The following KCNQ5 variants were observed in gnomAD, a reference collection of about 807,000 sequenced individuals.
The protein encoded by KCNQ5 is potassium voltage-gated channel subfamily Q member 5.
Under a neutral mutation model 98.2 loss-of-function variants are expected in KCNQ5, and 30 were observed. That is an observed-to-expected ratio of 0.31 (90% CI 0.23 to 0.41). The LOEUF (loss-of-function observed/expected upper bound fraction) is 0.41, where lower values mean the gene tolerates loss of function less well. Ranked by LOEUF, KCNQ5 falls within the 10% of genes least tolerant of loss-of-function variation. KCNQ5 has a pLI of 1.00. For missense variants in KCNQ5, 835 were observed against 1,182.5 expected (o/e 0.71, Z 4.31); for synonymous variants, 458 against 449.4 (o/e 1.02, Z -0.24).
rs757449676 is a variant in KCNQ5 at position 73,133,622 on chromosome 6, G to A, written c.1449G>A (p.Gln483=). Residue 483 remains glutamine (Q), a synonymous_variant, in exon 10 of 14, where the codon CAG becomes CAA. Transcript: ENST00000370398. Reference sequence around the variant, plus strand: ...CCTCGCTGCGCCTCAAAAGTTCTCAGCCAAAACCAGTGATAGATGGTAAGC... The same window carrying A: ...CCTCGCTGCGCCTCAAAAGTTCTCAACCAAAACCAGTGATAGATGGTAAGC... The part of the protein sequence containing the change: ...FRPSLRLKSS[Q]PKPVIDADTA... The A allele has an allele frequency of 1.2e-6, 2 of 1,614,062 alleles. No individual in the cohort carries two copies. The highest frequency in any genetic ancestry group is 1.7e-5 in the Admixed American group (1 of 60,006).
In KCNQ5 at chr6:72,841,718, A is replaced by G. The variant is rs950161562; in HGVS notation, c.399-162190A>G. ...ATTCCTTATATTTCATATAAGCATGAAAATGTTCTTTCTCTCATTTGGATA... is the reference window on the plus strand; with the variant it reads ...ATTCCTTATATTTCATATAAGCATGGAAATGTTCTTTCTCTCATTTGGATA... On this transcript the variant is annotated intron_variant, in intron 1 of 13. Transcript: ENST00000370398. Among the ~76,000 whole-genome samples, 37 of 152,160 alleles carry G rather than the reference A, an allele frequency of 2.4e-4. 1 individual carries two copies. Among genetic ancestry groups the G allele is most frequent in the African/African-American group, 8.9e-4 (37 of 41,444 alleles).
At chr6:72,898,728 T>C (rs1779355557) in intron 1 of KCNQ5, among the ~76,000 whole-genome samples, 1 of 152,250 alleles carries the variant, frequency 6.6e-6, no homozygotes, top group Admixed American at 6.5e-5. Context: ...TTTCTGGTTC[T>C]AGATCCTTGA....
At chr6:72,810,108 A>G (rs1775170570) in intron 1 of KCNQ5, among the ~76,000 whole-genome samples, 1 of 152,228 alleles carries the variant, frequency 6.6e-6, no homozygotes, top group South Asian at 2.1e-4. Context: ...TTATTAAACC[A>G]TGTTCCGGTT....
chr6:73,125,132 TCTA>T (rs1217884481), intron 9 of KCNQ5, among the ~76,000 whole-genome samples: 5 of 150,378 alleles, frequency 3.3e-5, no homozygotes, highest in Admixed American at 1.3e-4. Flanking sequence ...AGTGCTGAGG[TCTA>T]CTCAAGTGAC....
intron 1 of KCNQ5, among the ~76,000 whole-genome samples, chr6:72,885,866 G>C (rs1778825298): frequency 6.6e-6 from 1 of 152,148 alleles, no homozygotes; most frequent in Non-Finnish European, 1.5e-5. Context: ...CCTCAGAAAG[G>C]GAGAGACTAA....
chr6:72,856,823 G>A (rs1777553252), intron 1 of KCNQ5, among the ~76,000 whole-genome samples: 2 of 152,144 alleles, frequency 1.3e-5, no homozygotes, highest in African/African-American at 4.8e-5. Flanking sequence ...CTACTCCATG[G>A]CCAACTCTGG....
chr6:72,772,488 A>G (rs78263070), intron 1 of KCNQ5, among the ~76,000 whole-genome samples: 6,799 of 152,228 alleles, frequency 0.045, 495 homozygotes, highest in African/African-American at 0.15. Flanking sequence ...GGTAAAATAA[A>G]TAGCTTCAGA....
chr6:72,687,215 C>T (rs1435767231), intron 1 of KCNQ5, among the ~76,000 whole-genome samples: 1 of 152,202 alleles, frequency 6.6e-6, no homozygotes, highest in Non-Finnish European at 1.5e-5. Flanking sequence ...ATTGATTGCT[C>T]TCTGCTCTGT....
chr6:72,775,056 A>C (rs918316260), intron 1 of KCNQ5, among the ~76,000 whole-genome samples: 2 of 152,216 alleles, frequency 1.3e-5, no homozygotes, highest in Admixed American at 6.6e-5. Context: ...CCTGGGAACT[A>C]TCCAATGCAC....
At chr6:72,895,431 A>G (rs1300100470) in intron 1 of KCNQ5, among the ~76,000 whole-genome samples, 1 of 151,962 alleles carries the variant, frequency 6.6e-6, no homozygotes, top group Non-Finnish European at 1.5e-5. Context: ...TAACAATTCA[A>G]AAACATGCCA....
chr6:72,658,559 G>GATATATATATATATATATATATAT (rs1189137122), intron 1 of KCNQ5, among the ~76,000 whole-genome samples: 1 of 88,436 alleles, frequency 1.1e-5, no homozygotes, highest in Non-Finnish European at 1.9e-5. Flanking sequence ...GGGATTAAAG[G>GATATATATATATATATATATATAT]ATATATATAT....
Position 72,987,745 on chromosome 6 carries a change from G to A in KCNQ5, c.399-16163G>A. ...CGCTTCCAAGTTAGCCAAGCTGGAA[G>A]ATTAAACTCTAGAGTTTTGTCCCCT... On this transcript the variant is annotated intron_variant, in intron 1 of 13. Coordinates refer to ENST00000370398, the MANE Select transcript of KCNQ5 (RefSeq NM_019842.4). 2 of 508,280 alleles carry A rather than the reference G, an allele frequency of 3.9e-6. 1 individual carries two copies. Among genetic ancestry groups the A allele is most frequent in the East Asian group, 9.5e-5 (2 of 20,954 alleles). 31.5% of individuals were successfully genotyped at this position (508,280 alleles called of 1,614,324 possible).
At chr6:72,774,118 G>A (rs1182463790) in intron 1 of KCNQ5, among the ~76,000 whole-genome samples, 1 of 152,082 alleles carries the variant, frequency 6.6e-6, no homozygotes, top group Non-Finnish European at 1.5e-5. Context: ...ATCAATTCTA[G>A]ATGAATTGCA....
At chr6:72,738,598 C>T (rs1419010345) in intron 1 of KCNQ5, among the ~76,000 whole-genome samples, 1 of 151,704 alleles carries the variant, frequency 6.6e-6, no homozygotes, top group African/African-American at 2.4e-5. Flanking sequence ...TGGTCAATTA[C>T]AAGAATTTGC....
At chr6:73,154,876 C>T (rs527251982) in intron 10 of KCNQ5, among the ~76,000 whole-genome samples, 6 of 151,598 alleles carry the variant, frequency 4.0e-5, no homozygotes, top group African/African-American at 7.3e-5. Flanking sequence ...TACCTAGTCA[C>T]GAATGATCAC....
intron 9 of KCNQ5, among the ~76,000 whole-genome samples, chr6:73,131,400 G>C (rs1776231636): frequency 6.6e-6 from 1 of 152,080 alleles, no homozygotes; most frequent in South Asian, 2.1e-4. Flanking sequence ...ATTAGCATCT[G>C]TTAGTTCCAG....
chr6:72,622,329 T>C lies in KCNQ5; in HGVS notation c.140T>C (p.Leu47Pro), dbSNP rs1302096211. The C allele has an allele frequency of 7.0e-7, 1 of 1,420,928 alleles. No homozygotes were observed. Among genetic ancestry groups the C allele is most frequent in the Non-Finnish European group, 9.2e-7 (1 of 1,092,870 alleles). The allele number at this position is 1,420,928 out of a possible 1,614,324, so 88.0% of individuals were successfully genotyped here. Residue 47 changes from leucine to proline, a missense_variant, in exon 1 of 14, where the codon CTG becomes CCG. Leu to Pro is a moderately conservative substitution (Grantham distance 98). Coordinates refer to ENST00000370398, the MANE Select transcript of KCNQ5 (RefSeq NM_019842.4). This position sits in a 1 kb window ranked among gnomAD's most constrained non-coding sequence, Gnocchi z 6.0. ...KDVESGRGRV[L>P]LNSAAARGDG... Reference sequence around the variant, plus strand: ...GTGGAGTCCGGCCGGGGCAGGGTGCTGCTGAACTCGGCAGCCGCCAGGGGC... The same window carrying C: ...GTGGAGTCCGGCCGGGGCAGGGTGCCGCTGAACTCGGCAGCCGCCAGGGGC...
chr6:72,988,138 T>C (rs1426896469), intron 1 of KCNQ5, among the ~76,000 whole-genome samples: 1 of 152,220 alleles, frequency 6.6e-6, no homozygotes, highest in Non-Finnish European at 1.5e-5. Flanking sequence ...GACATCAATG[T>C]GTACAGATGA....
At chr6:72,938,653 G>A (rs1438477136) in intron 1 of KCNQ5, among the ~76,000 whole-genome samples, 2 of 152,074 alleles carry the variant, frequency 1.3e-5, no homozygotes, top group Non-Finnish European at 2.9e-5. Context: ...CCGAAGTGCT[G>A]GGATTACAGG....
Sources: allele counts gnomAD v4.1 joint callset (sites outside exome capture counted in the v4.1 genomes callset), GRCh38; gene constraint gnomAD v4.1.1; non-coding constraint Gnocchi (gnomAD v3.1); transcripts MANE v1.5; gene names NCBI Gene and HGNC (gene_info 2026-07-23, HGNC 2026-07-21).